Variants in SIDT1 observed in about 807,000 individuals in gnomAD.
SIDT1 encodes the protein SID1 transmembrane family, member 1.
In SIDT1, 101 loss-of-function variants were observed where a neutral mutation model predicts 107.5. The observed-to-expected ratio is 0.94, with a 90% confidence interval of 0.80 to 1.11. SIDT1 has a LOEUF of 1.11. Ranked by LOEUF, SIDT1 falls within the 50% of genes least tolerant of loss-of-function variation. The pLI, the probability that SIDT1 is intolerant of heterozygous loss-of-function variation, is 0.00. For synonymous variants in SIDT1, 395 were observed against 398.2 expected (o/e 0.99, Z 0.10); for missense variants, 1,076 against 1,058.2 (o/e 1.02, Z -0.23).
intron 10 of SIDT1, among the ~76,000 whole-genome samples, chr3:113,598,685 G>A (rs1944747576): frequency 6.6e-6 from 1 of 151,922 alleles, no homozygotes; most frequent in East Asian, 1.9e-4. Flanking sequence ...TAAAACATAT[G>A]GTAATATTAT....
intron 10 of SIDT1, among the ~76,000 whole-genome samples, chr3:113,599,229 G>A (rs1944784830): frequency 6.6e-6 from 1 of 152,226 alleles, no homozygotes; most frequent in African/African-American, 2.4e-5. Flanking sequence ...CTAGGAATAA[G>A]AGCAACCCAG....
intron 8 of SIDT1, 51 bp from the exon 9 acceptor site, chr3:113,585,126 T>C (rs1340449050): frequency 3.2e-6 from 4 of 1,265,876 alleles, no homozygotes; most frequent in African/African-American, 3.0e-5. Flanking sequence ...TCAGATGGAG[T>C]CTTCTTTTCT....
downstream of SIDT1, chr3:113,629,578 A>G (rs1341256587): frequency 2.0e-5 from 3 of 152,222 alleles, no homozygotes; most frequent in Non-Finnish European, 2.9e-5. Context: ...CTGTTTCACT[A>G]TGGCTAGTTT....
chr3:113,632,914 G>A (rs552704790), downstream of SIDT1: 4 of 152,216 alleles, frequency 2.6e-5, no homozygotes, highest in South Asian at 6.2e-4. Flanking sequence ...ACAGTCCGTT[G>A]GGGAAGATGG....
At chr3:113,595,446 G>T (rs570513646) in intron 10 of SIDT1, among the ~76,000 whole-genome samples, 2 of 152,210 alleles carry the variant, frequency 1.3e-5, no homozygotes, top group South Asian at 4.2e-4. Context: ...TGGGCGTGGT[G>T]GTGTGCACCT....
At chr3:113,570,250 G>A (rs1338127849) in intron 3 of SIDT1, among the ~76,000 whole-genome samples, 1 of 152,174 alleles carries the variant, frequency 6.6e-6, no homozygotes, top group Non-Finnish European at 1.5e-5. Flanking sequence ...ATCCATATGG[G>A]AATACACATT....
intron 1 of SIDT1, among the ~76,000 whole-genome samples, chr3:113,550,776 T>G (rs1244789643): frequency 6.6e-6 from 1 of 152,304 alleles, no homozygotes; most frequent in South Asian, 2.1e-4. Flanking sequence ...TTATTTTAAG[T>G]TCAGGGGTAT....
At position 113,532,986 on chromosome 3, in the gene SIDT1, G is replaced by A; in HGVS notation, c.-36G>A. Reference sequence around the variant, plus strand: ...TCTCTGCGCTCGCCCCCTCCCCAGGGTGGCTCCGCTTTCGAGCCCGGGCGC... The same window carrying A: ...TCTCTGCGCTCGCCCCCTCCCCAGGATGGCTCCGCTTTCGAGCCCGGGCGC... On this transcript the variant is annotated 5_prime_UTR_variant, in exon 1 of 25. It adds an upstream start codon to the 5' untranslated region. Coordinates refer to ENST00000264852, the MANE Select transcript of SIDT1 (RefSeq NM_017699.3). The A allele has an allele frequency of 7.6e-7, 1 of 1,312,102 alleles. No homozygotes were observed. Among genetic ancestry groups the A allele is most frequent in the Non-Finnish European group, 9.7e-7 (1 of 1,027,470 alleles). 81.3% of individuals were successfully genotyped at this position (1,312,102 alleles called of 1,614,324 possible).
At chr3:113,624,028 G>A (rs1052205984) in intron 23 of SIDT1, among the ~76,000 whole-genome samples, 2 of 152,188 alleles carry the variant, frequency 1.3e-5, no homozygotes, top group Non-Finnish European at 2.9e-5. Flanking sequence ...GCCTTGAGTA[G>A]TTCATCTTCT....
At chr3:113,598,011 T>C (rs1944697589) in intron 10 of SIDT1, among the ~76,000 whole-genome samples, 3 of 152,250 alleles carry the variant, frequency 2.0e-5, no homozygotes, top group Non-Finnish European at 4.4e-5. Flanking sequence ...AAAAGAATAC[T>C]GTTATCCCAT....
intron 11 of SIDT1, chr3:113,602,352 G>A (rs3773688): frequency 0.2 from 29,790 of 152,228 alleles, 3,023 homozygotes; most frequent in Non-Finnish European, 0.21. Context: ...TGTGGGCTCA[G>A]TGCAGACTAC....
intron 1 of SIDT1, among the ~76,000 whole-genome samples, chr3:113,547,261 A>C (rs1365630046): frequency 6.6e-6 from 1 of 152,178 alleles, no homozygotes; most frequent in African/African-American, 2.4e-5. Context: ...TAAAAATAAT[A>C]ATAAAAGCAA....
chr3:113,555,849 CTTTTTT>C (rs11367567), intron 1 of SIDT1, among the ~76,000 whole-genome samples: 9 of 126,772 alleles, frequency 7.1e-5, no homozygotes, highest in Non-Finnish European at 8.5e-5. Flanking sequence ...ACTATATAAT[CTTTTTT>C]TTTTTTTTTT....
chr3:113,584,832 T>C (rs1442010215), intron 8 of SIDT1, 63 bp downstream of exon 8: 1 of 1,105,192 alleles, frequency 9.0e-7, no homozygotes, highest in African/African-American at 1.6e-5. Flanking sequence ...TCATATAATT[T>C]GATATTACTG....
chr3:113,604,593 C>G (rs964856081), intron 13 of SIDT1, among the ~76,000 whole-genome samples: 2 of 152,104 alleles, frequency 1.3e-5, no homozygotes, highest in African/African-American at 4.8e-5. Flanking sequence ...TGTTGGGTAC[C>G]AATCATTAAC....
chr3:113,636,410 T>A, the SIDT1 span, among the ~76,000 whole-genome samples: 3 of 151,728 alleles, frequency 2.0e-5, no homozygotes, highest in African/African-American at 7.3e-5. Context: ...CCCAAAAAAA[T>A]AAAAAATAAA....
At position 113,584,731 on chromosome 3, in the gene SIDT1, A is replaced by G. The variant is rs1408656305; in HGVS notation, c.869A>G (p.Lys290Arg). ...KENQTWNLQR[K>R]KNLEVTIVPS... is the part of the protein sequence containing the mutation. ...AACCAGACCTGGAATCTACAGCGAAAAAAGAACCTTGAAGTGACCATTGTC... is the reference window on the plus strand; with the variant it reads ...AACCAGACCTGGAATCTACAGCGAAGAAAGAACCTTGAAGTGACCATTGTC... Residue 290 changes from lysine to arginine, a missense_variant, in exon 8 of 25, where the codon AAA (lysine) becomes AGA (arginine). Coordinates refer to ENST00000264852, the MANE Select transcript of SIDT1 (RefSeq NM_017699.3). The G allele has an allele frequency of 1.9e-6, 3 of 1,602,502 alleles. No homozygotes were observed. The highest frequency in any genetic ancestry group is 2.5e-6 in the Non-Finnish European group (3 of 1,176,928).
intron 10 of SIDT1, among the ~76,000 whole-genome samples, chr3:113,595,546 T>C (rs1944482774): frequency 6.6e-6 from 1 of 150,422 alleles, no homozygotes. Context: ...ACCACTGCAC[T>C]CCAACTTAGG....
intron 9 of SIDT1, chr3:113,590,229 G>T (rs762846166): frequency 6.6e-6 from 1 of 152,142 alleles, no homozygotes; most frequent in Non-Finnish European, 1.5e-5. Flanking sequence ...TCAGGAGTTT[G>T]GTGTGTCTAG....
Sources: allele counts gnomAD v4.1 joint callset (sites outside exome capture counted in the v4.1 genomes callset), GRCh38; gene constraint gnomAD v4.1.1; transcripts MANE v1.5; gene names NCBI Gene and HGNC (gene_info 2026-07-23, HGNC 2026-07-21).